Variants in KIF6 observed in about 807,000 individuals in gnomAD.
KIF6 encodes kinesin-like protein KIF6.
Under a neutral mutation model 112.7 loss-of-function variants are expected in KIF6, and 106 were observed. The observed-to-expected ratio is 0.94, with a 90% confidence interval of 0.80 to 1.11. The LOEUF (loss-of-function observed/expected upper bound fraction) is 1.11. KIF6 is among the 50% of genes least tolerant of loss of function. The pLI, the probability that KIF6 is intolerant of heterozygous loss-of-function variation, is 0.00. For synonymous variants in KIF6, 339 were observed against 339.9 expected, an observed-to-expected ratio of 1.00 and a Z score of 0.03; for missense variants, 929 against 964.0, an observed-to-expected ratio of 0.96 and a Z score of 0.48.
chr6:39,615,184 AT>A (rs541359371), intron 5 of KIF6, among the ~76,000 whole-genome samples: 15 of 151,300 alleles, frequency 9.9e-5, no homozygotes, highest in South Asian at 4.2e-4. Flanking sequence ...AAAAAAAAAA[AT>A]AACTACATAA....
At chr6:39,358,339 C>G (rs1764869766) in intron 18 of KIF6, among the ~76,000 whole-genome samples, 1 of 152,232 alleles carries the variant, frequency 6.6e-6, no homozygotes, top group Admixed American at 6.5e-5. Context: ...ACTGAGGGTA[C>G]AGCTGCAGGC....
Position 39,389,033 on chromosome 6 carries a change from G to T in KIF6, c.1811-3361C>A, listed in dbSNP as rs75804299. On this transcript the variant is annotated intron_variant, in intron 15 of 22. Transcript: ENST00000287152. ...ATTGATGGATTGTGGGTGGCAGCGG[G>T]GAGCAGAGCTTACAGCAATCCACGG... Among the ~76,000 whole-genome samples, 883 of 152,284 alleles carry T rather than the reference G, an allele frequency of 5.8e-3. 11 individuals are homozygous for T. Among genetic ancestry groups the T allele is most frequent in the African/African-American group, 0.02 (823 of 41,552 alleles).
intron 2 of KIF6, among the ~76,000 whole-genome samples, chr6:39,716,704 T>C (rs370721904): frequency 8.1e-4 from 124 of 152,300 alleles, no homozygotes; most frequent in African/African-American, 2.7e-3. Context: ...AGACATAACT[T>C]AGGTTTCCTG....
rs1582360373 is a variant in KIF6, at chr6:39,648,022, A to G, written c.252-8265T>C. 3.1e-5 allele frequency among the ~76,000 whole-genome samples: 4 copies of G among 129,258 alleles called. No individual in the cohort carries two copies. In the Middle Eastern group the frequency reaches 0.022, roughly 726 times the overall value. The allele number at this position is 129,258 out of a possible 152,430, so 84.8% of individuals were successfully genotyped here. On this transcript the variant is annotated intron_variant, in intron 3 of 22. Transcript: ENST00000287152. ...CACCAAGCCCAGCTAATGTTTTTTA[A>G]CTTTCTTTTTTTTTTTTTTGAGACA...
chr6:39,372,746 TTTCTCCTGGGCAGG>T, intron 16 of KIF6, among the ~76,000 whole-genome samples: 1 of 152,224 alleles, frequency 6.6e-6, no homozygotes, highest in East Asian at 1.9e-4. Flanking sequence ...CACTCTACCC[TTTCTCCTGGGCAGG>T]CTCCTGGCTC....
intron 10 of KIF6, among the ~76,000 whole-genome samples, chr6:39,555,528 T>A (rs1328102379): frequency 6.6e-6 from 1 of 151,694 alleles, no homozygotes; most frequent in Admixed American, 6.6e-5. Context: ...GGAACAGAGG[T>A]CTCTAGCTAG....
chr6:39,624,031 C>A (rs777570799), intron 5 of KIF6, among the ~76,000 whole-genome samples: 1 of 152,112 alleles, frequency 6.6e-6, no homozygotes, highest in Non-Finnish European at 1.5e-5. Context: ...GGAGCAGAGA[C>A]GGGGGTGTTA....
At chr6:39,390,182 A>G (rs1291201755) in intron 15 of KIF6, among the ~76,000 whole-genome samples, 1 of 152,222 alleles carries the variant, frequency 6.6e-6, no homozygotes, top group African/African-American at 2.4e-5. Flanking sequence ...AAATATTATA[A>G]CTGCAATAAT....
chr6:39,409,640 T>C (rs2150350716), intron 15 of KIF6, among the ~76,000 whole-genome samples: 1 of 152,320 alleles, frequency 6.6e-6, no homozygotes, highest in East Asian at 1.9e-4. Context: ...GTGCAGACTA[T>C]GTGTTAGAGA....
intron 3 of KIF6, among the ~76,000 whole-genome samples, chr6:39,701,398 T>A (rs981745796): frequency 1.3e-5 from 2 of 152,252 alleles, no homozygotes; most frequent in Non-Finnish European, 2.9e-5. Flanking sequence ...TATCCTGGAC[T>A]GCTCTGAGGT....
Position 39,371,563 on chromosome 6 carries a change from A to G in KIF6, c.1862-9045T>C, listed in dbSNP as rs557288859. Among the ~76,000 whole-genome samples the G allele has an allele frequency of 7.2e-5, 11 of 152,264 alleles. No homozygotes were observed. In the East Asian group the frequency reaches 2.1e-3, roughly 29 times the overall value. Reference sequence around the variant, plus strand: ...ACAGCCCTGACAGTCTTTAAATTCTAGTAACTTTTCCCTGTCTTGTCCAGG... The same window carrying G: ...ACAGCCCTGACAGTCTTTAAATTCTGGTAACTTTTCCCTGTCTTGTCCAGG... On this transcript the variant is annotated intron_variant, in intron 16 of 22. Coordinates refer to ENST00000287152, the MANE Select transcript of KIF6 (RefSeq NM_145027.6).
rs1789409313 is a variant in KIF6 at position 39,709,465 on chromosome 6, C to T, written c.251+5227G>A. 2.0e-5 allele frequency among the ~76,000 whole-genome samples: 3 copies of T among 152,290 alleles called. No individual in the cohort carries two copies. The South Asian group carries it at 6.2e-4, about 32-fold the overall frequency. On this transcript the variant is annotated intron_variant, in intron 3 of 22. Coordinates refer to ENST00000287152, the MANE Select transcript of KIF6 (RefSeq NM_145027.6). ...AGCTGATCTGACAGGAGGTGGAGCT[C>T]AGGCAGTAATGCTCCCTCCACCAGC... is the stretch of plus-strand genomic sequence containing the variant.
At chr6:39,413,566 A>T (rs140860563) in intron 15 of KIF6, among the ~76,000 whole-genome samples, 2 of 152,106 alleles carry the variant, frequency 1.3e-5, no homozygotes, top group Admixed American at 6.6e-5. Context: ...CGTCCCTCCA[A>T]TGACTTTTGC....
At chr6:39,409,780 C>T (rs942047216) in intron 15 of KIF6, among the ~76,000 whole-genome samples, 1 of 152,144 alleles carries the variant, frequency 6.6e-6, no homozygotes, top group Non-Finnish European at 1.5e-5. Flanking sequence ...TTTGGAGGCT[C>T]TCAGTGGATT....
At chr6:39,653,890 A>G (rs1343924292) in intron 3 of KIF6, among the ~76,000 whole-genome samples, 2 of 152,306 alleles carry the variant, frequency 1.3e-5, no homozygotes, top group South Asian at 2.1e-4. Flanking sequence ...AGGAAACAGA[A>G]TAACTCTTGA....
chr6:39,645,082 A>G (rs1785095659), intron 3 of KIF6, among the ~76,000 whole-genome samples: 1 of 152,164 alleles, frequency 6.6e-6, no homozygotes. Context: ...AGACAGTCCT[A>G]ATATGTAAAT....
intron 6 of KIF6, among the ~76,000 whole-genome samples, chr6:39,610,646 T>C (rs1480623683): frequency 6.6e-6 from 1 of 152,244 alleles, no homozygotes; most frequent in East Asian, 1.9e-4. Context: ...TGACAGTTAC[T>C]TGTCATTTAT....
At position 39,336,385 on chromosome 6, in the gene KIF6, A is replaced by G. The variant is rs1229914660; in HGVS notation, c.*147T>C. The G allele has an allele frequency of 5.2e-6, 4 of 768,478 alleles. No individual in the cohort carries two copies. Among genetic ancestry groups the G allele is most frequent in the Middle Eastern group, 2.4e-4 (1 of 4,138 alleles). The allele number at this position is 768,478 out of a possible 1,614,324, so 47.6% of individuals were successfully genotyped here. A position where few individuals can be genotyped will look rare whatever the true frequency, so the allele number is the denominator to read the frequency against. ...CCTCCAGGTCAGCATCCTTAAAGAAACACAGTCCCCTCCATGGGAATCAAA... is the reference window on the plus strand; with the variant it reads ...CCTCCAGGTCAGCATCCTTAAAGAAGCACAGTCCCCTCCATGGGAATCAAA... On this transcript the variant is annotated 3_prime_UTR_variant, in exon 23 of 23. Coordinates refer to ENST00000287152, the MANE Select transcript of KIF6 (RefSeq NM_145027.6).
In KIF6 at chr6:39,609,804, C is replaced by T. The variant is rs113247087; in HGVS notation, c.639+3385G>A. The stretch of plus-strand genomic sequence containing the variant: ...CAACCAGCTTTCTTAAGGGTAAAGC[C>T]CAGACTGCTCCCAAATTTAGCCTGA... On this transcript the variant is annotated intron_variant, in intron 6 of 22. Coordinates refer to ENST00000287152, the MANE Select transcript of KIF6 (RefSeq NM_145027.6). 3.8e-3 allele frequency among the ~76,000 whole-genome samples: 578 copies of T among 152,160 alleles called. 5 individuals are homozygous for T. Among genetic ancestry groups the T allele is most frequent in the African/African-American group, 0.013 (549 of 41,520 alleles).
Sources: allele counts gnomAD v4.1 joint callset (sites outside exome capture counted in the v4.1 genomes callset), GRCh38; gene constraint gnomAD v4.1.1; transcripts MANE v1.5; gene names NCBI Gene and HGNC (gene_info 2026-07-23, HGNC 2026-07-21).